SFSWAP: variants seen among roughly 807,000 people sequenced by gnomAD.
SFSWAP encodes splicing factor SWAP, also known as splicing factor, suppressor of white-apricot homolog.
SFSWAP carries 17 observed loss-of-function variants against 100.7 expected under a neutral mutation model. The observed-to-expected ratio is 0.17, with a 90% CI of 0.12 to 0.25. The LOEUF (loss-of-function observed/expected upper bound fraction) is 0.25. SFSWAP is among the 10% of genes least tolerant of loss of function. The pLI, the probability that SFSWAP is intolerant of heterozygous loss-of-function variation, is 1.00. For missense variants in SFSWAP, 1,005 were observed against 1,262.6 expected, an observed-to-expected ratio of 0.80 and a Z score of 3.09; for synonymous variants, 504 against 510.1, an observed-to-expected ratio of 0.99 and a Z score of 0.16.
chr12:131,749,016 C>T (rs1313342610), intron 7 of SFSWAP, among the ~76,000 whole-genome samples: 6 of 152,202 alleles, frequency 3.9e-5, no homozygotes, highest in Non-Finnish European at 7.3e-5. Flanking sequence ...GGGTTCAACT[C>T]GATGATGGTG....
chr12:131,794,736 G>A lies in SFSWAP; in HGVS notation c.2535-2442G>A, dbSNP rs1885508752. Among the ~76,000 whole-genome samples, 1 of 152,228 alleles carries A rather than the reference G, an allele frequency of 6.6e-6. No homozygotes were observed. Among genetic ancestry groups the A allele is most frequent in the South Asian group, 2.1e-4 (1 of 4,832 alleles). ...GACGCCCCTGCGTGGATAAGGCCCA[G>A]GTGTCAGGGTGTGCGCACTTGCCAA... On this transcript the variant is annotated intron_variant, in intron 15 of 17. Transcript: ENST00000261674. The surrounding 1 kb of genome is among the most constrained non-coding windows in gnomAD (Gnocchi z 4.8).
chr12:131,787,821 C>T (rs1489081680), intron 15 of SFSWAP, among the ~76,000 whole-genome samples: 3 of 152,150 alleles, frequency 2.0e-5, no homozygotes, highest in African/African-American at 7.2e-5. Flanking sequence ...GACCGTGCTG[C>T]GGTTGGCCTA....
At chr12:131,769,710 T>A (rs1296179157) in intron 13 of SFSWAP, among the ~76,000 whole-genome samples, 2 of 152,192 alleles carry the variant, frequency 1.3e-5, no homozygotes, top group Non-Finnish European at 2.9e-5. Context: ...CACTGCAACC[T>A]CCGCCTCCCG....
At chr12:131,786,273 G>A (rs1285322644) in intron 14 of SFSWAP, among the ~76,000 whole-genome samples, 190 bp from the exon 15 acceptor site, 6 of 152,168 alleles carry the variant, frequency 3.9e-5, no homozygotes, top group South Asian at 2.1e-4. Context: ...GATTGGATTC[G>A]GGTTTCAGTT....
chr12:131,780,656 C>G (rs1298504661), intron 14 of SFSWAP, among the ~76,000 whole-genome samples: 1 of 152,112 alleles, frequency 6.6e-6, no homozygotes, highest in Non-Finnish European at 1.5e-5. Context: ...AGAGCGAGAC[C>G]TTGCCTCTAA....
intron 9 of SFSWAP, 28 bp from the exon 10 acceptor site, chr12:131,755,358 G>T: frequency 1.3e-6 from 2 of 1,523,482 alleles, no homozygotes; most frequent in South Asian, 2.2e-5. Flanking sequence ...CTTGGTAAAT[G>T]ACCCATTTTC....
At position 131,762,601 on chromosome 12, in the gene SFSWAP, GT is replaced by G. The variant is rs528148662; in HGVS notation, c.1721-1847del. ...CCTTGTTTGTTTTGTTTTGTTTTTTGTTTTTTTTGAGATAGAATCTCACTCT... is the reference window on the plus strand; with the variant it reads ...CCTTGTTTGTTTTGTTTTGTTTTTTGTTTTTTTGAGATAGAATCTCACTCT... On this transcript the variant is annotated intron_variant, in intron 11 of 17. Coordinates refer to ENST00000261674, the MANE Select transcript of SFSWAP (RefSeq NM_004592.4). Among the ~76,000 whole-genome samples, 287 of 151,572 alleles carry G rather than the reference GT, an allele frequency of 1.9e-3. 4 individuals are homozygous for G. Among genetic ancestry groups the G allele is most frequent in the African/African-American group, 6.7e-3 (276 of 41,354 alleles).
rs1261156222 is a variant in SFSWAP at position 131,778,530 on chromosome 12, T to C, written c.2408+200T>C. 6.6e-6 allele frequency among the ~76,000 whole-genome samples: 1 copy of C among 152,178 alleles called. No individual in the cohort carries two copies. Among genetic ancestry groups the C allele is most frequent in the East Asian group, 1.9e-4 (1 of 5,192 alleles). ...GTTTGTTTTATACTTAACTTTTTCT[T>C]TTTTGAGACAGAGTTTTGTTCTTGT... is the stretch of plus-strand genomic sequence containing the variant. On this transcript the variant is annotated intron_variant, in intron 14 of 17. Transcript: ENST00000261674. This position sits in a 1 kb window ranked among gnomAD's most constrained non-coding sequence, Gnocchi z 4.2.
At chr12:131,755,516 A>G in intron 10 of SFSWAP, 37 bp downstream of exon 10, 2 of 1,474,074 alleles carry the variant, frequency 1.4e-6, no homozygotes, top group Non-Finnish European at 1.9e-6. Context: ...TGAAGCTCTT[A>G]GAGGTGGCTC....
intron 3 of SFSWAP, 101 bp downstream of exon 3, chr12:131,715,054 T>A: frequency 8.3e-7 from 1 of 1,203,338 alleles, no homozygotes; most frequent in African/African-American, 1.5e-5. Flanking sequence ...CTGGCACTCA[T>A]GATAGCACCA....
intron 7 of SFSWAP, among the ~76,000 whole-genome samples, chr12:131,735,654 C>T (rs907023611): frequency 6.6e-6 from 1 of 152,254 alleles, no homozygotes; most frequent in Admixed American, 6.5e-5. Context: ...CCGTCTGTTG[C>T]TGTTCCCTTG....
chr12:131,774,099 T>C (rs1405132200), intron 13 of SFSWAP, among the ~76,000 whole-genome samples: 1 of 152,138 alleles, frequency 6.6e-6, no homozygotes, highest in Non-Finnish European at 1.5e-5. Flanking sequence ...GAGAGCCGCA[T>C]TTCCGCTGAG....
At chr12:131,754,689 A>G (rs1325098256) in intron 9 of SFSWAP, among the ~76,000 whole-genome samples, 190 bp downstream of exon 9, 1 of 119,046 alleles carries the variant, frequency 8.4e-6, no homozygotes, top group Non-Finnish European at 1.6e-5. Context: ...GCTGGAGTGC[A>G]GTGGCGCGAT....
rs2136227866 is a variant in SFSWAP, at chr12:131,756,534, G to A, written c.1610G>A (p.Gly537Glu). 6.2e-7 allele frequency: 1 copy of A among 1,614,118 alleles called. No individual in the cohort carries two copies. Among genetic ancestry groups the A allele is most frequent in the South Asian group, 1.1e-5 (1 of 91,082 alleles). The change falls in exon 11 of 18, where the codon GGG becomes GAG. Residue 537 changes from glycine to glutamate, a missense_variant. By Grantham distance (98) the Gly-to-Glu change is moderately conservative. Coordinates refer to ENST00000261674, the MANE Select transcript of SFSWAP (RefSeq NM_004592.4). ...GCTCCCGAGAAGCCAAGTGATGCTG[G>A]GGAGGATGGCGCGCCTGAAGACGCA... ...DSAPEKPSDA[G>E]EDGAPEDAAE...
rs1234098686 is a variant in SFSWAP at position 131,799,428 on chromosome 12, C to G, written c.2796C>G (p.Leu932=). The G allele has an allele frequency of 6.2e-7, 1 of 1,614,190 alleles. No homozygotes were observed. Among genetic ancestry groups the G allele is most frequent in the Non-Finnish European group, 8.5e-7 (1 of 1,180,006 alleles). Residue 932 remains leucine (L), a synonymous_variant, in exon 18 of 18, where the codon CTC becomes CTG. Coordinates refer to ENST00000261674, the MANE Select transcript of SFSWAP (RefSeq NM_004592.4). ...CTGTGTCTCGCCCTGCACAGGATCT[C>G]ATGGCCAAAGTCAGAGCGATGCTTG... ...SSVQSKITQD[L]MAKVRAMLAA...
At chr12:131,740,944 TTTC>T (rs1880547615) in intron 7 of SFSWAP, among the ~76,000 whole-genome samples, 1 of 146,612 alleles carries the variant, frequency 6.8e-6, no homozygotes, top group African/African-American at 2.5e-5. Context: ...AGGCTTTTCA[TTTC>T]TTTTTTTTTC....
rs1555251680 is a variant in SFSWAP, at chr12:131,783,792, T to TTATTTA, written c.2409-2668_2409-2667insTTATAT. Reference sequence around the variant, plus strand: ...AGACTCCGTCTCAAAAAAAAACATTTTATATATATATATATATATATATAT... The same window carrying TTATTTA: ...AGACTCCGTCTCAAAAAAAAACATTTTATTTATATATATATATATATATATATATAT... On this transcript the variant is annotated intron_variant, in intron 14 of 17. Coordinates refer to ENST00000261674, the MANE Select transcript of SFSWAP (RefSeq NM_004592.4). 3 of 86,682 alleles carry TTATTTA rather than the reference T, an allele frequency of 3.5e-5. No homozygotes were observed. In the South Asian group the frequency reaches 1.3e-3, roughly 37 times the overall value. 5.4% of individuals were successfully genotyped at this position (86,682 alleles called of 1,614,324 possible).
intron 3 of SFSWAP, among the ~76,000 whole-genome samples, chr12:131,717,504 A>G (rs967037577): frequency 6.6e-6 from 1 of 152,100 alleles, no homozygotes; most frequent in African/African-American, 2.4e-5. Flanking sequence ...TTGTAGTGCA[A>G]TGGTTGGTTT....
chr12:131,771,294 A>G (rs1207190778), intron 13 of SFSWAP, among the ~76,000 whole-genome samples: 5 of 152,090 alleles, frequency 3.3e-5, no homozygotes, highest in Non-Finnish European at 7.4e-5. Context: ...TAAGTAGTTT[A>G]CCTGTAAATC....
Sources: allele counts gnomAD v4.1 joint callset (sites outside exome capture counted in the v4.1 genomes callset), GRCh38; gene constraint gnomAD v4.1.1; non-coding constraint Gnocchi (gnomAD v3.1); transcripts MANE v1.5; gene names NCBI Gene and HGNC (gene_info 2026-07-23, HGNC 2026-07-21).